The following NDUFA10 variants were observed in gnomAD, a reference collection of about 807,000 sequenced individuals.
NDUFA10 encodes the protein NADH:ubiquinone oxidoreductase subunit A10, also known as NADH dehydrogenase [ubiquinone] 1 alpha subcomplex subunit 10, mitochondrial.
NDUFA10 carries 40 observed loss-of-function variants against 47.8 expected under a neutral mutation model. That is an observed-to-expected ratio of 0.84 (90% CI 0.65 to 1.09). The LOEUF (loss-of-function observed/expected upper bound fraction) is 1.09, where lower values mean the gene tolerates loss of function less well. NDUFA10 is among the 50% of genes least tolerant of loss of function. The probability of loss-of-function intolerance (pLI) is 0.00; values close to 1 mark genes in which losing one functional copy is unlikely to be tolerated. For synonymous variants in NDUFA10, 183 were observed against 172.2 expected (o/e 1.06, Z -0.49); for missense variants, 413 against 451.1 (o/e 0.92, Z 0.76).
intron 4 of NDUFA10, among the ~76,000 whole-genome samples, chr2:239,919,927 G>A (rs553250370): frequency 9.2e-5 from 14 of 152,304 alleles, no homozygotes; most frequent in African/African-American, 2.4e-4. Flanking sequence ...CCCTGCCTAC[G>A]CCAGTCCTTC....
intron 4 of NDUFA10, among the ~76,000 whole-genome samples, chr2:239,927,746 G>C (rs561373552): frequency 6.6e-6 from 1 of 152,332 alleles, no homozygotes; most frequent in South Asian, 2.1e-4. Context: ...GAGGAGCCTG[G>C]GTGGCGACTG....
intron 4 of NDUFA10, among the ~76,000 whole-genome samples, chr2:239,914,856 CAG>C (rs1157553558): frequency 6.9e-6 from 1 of 145,826 alleles, no homozygotes; most frequent in Non-Finnish European, 1.5e-5. Flanking sequence ...CAGACACACA[CAG>C]AGAGACATAC....
Position 240,021,279 on chromosome 2 carries a change from G to T in NDUFA10, c.378C>A (p.Gly126=). The T allele has an allele frequency of 6.2e-7, 1 of 1,614,228 alleles. No homozygotes were observed. Among genetic ancestry groups the T allele is most frequent in the Non-Finnish European group, 8.5e-7 (1 of 1,180,038 alleles). The part of the protein sequence containing the change: ...KFYDDPRSND[G]NSYRLQSWLY... Reference sequence around the variant, plus strand: ...ACCAGGACTGCAGGCGGTAACTGTTGCCATCATTGCTTCTCGGATCATCGT... The same window carrying T: ...ACCAGGACTGCAGGCGGTAACTGTTTCCATCATTGCTTCTCGGATCATCGT... Residue 126 remains glycine (G), a synonymous_variant, in exon 3 of 10, where the codon GGC becomes GGA. Transcript: ENST00000252711.
intron 4 of NDUFA10, among the ~76,000 whole-genome samples, chr2:239,926,113 C>T (rs1036670741): frequency 4.6e-5 from 7 of 152,212 alleles, no homozygotes; most frequent in Non-Finnish European, 8.8e-5. Flanking sequence ...CATACACTTA[C>T]CCTACGATCC....
At chr2:239,994,685 A>G (rs944974843) in intron 8 of NDUFA10, among the ~76,000 whole-genome samples, 3 of 152,280 alleles carry the variant, frequency 2.0e-5, no homozygotes, top group Admixed American at 6.5e-5. Context: ...GGTGCCAAAA[A>G]GGTTTGGGAC....
At position 239,941,435 on chromosome 2, in the gene NDUFA10, C is replaced by T. The variant is rs1046885375; in HGVS notation, c.295-46121G>A. Among the ~76,000 whole-genome samples, 10 of 152,224 alleles carry T rather than the reference C, an allele frequency of 6.6e-5. No individual in the cohort carries two copies. The Middle Eastern group carries it at 0.01, about 155-fold the overall frequency. On this transcript the variant is annotated intron_variant, in intron 4 of 5. Coordinates refer to the NDUFA10 transcript ENST00000419408. ...AGAGGTTCCTTCCTCGACATCAAAA[C>T]GACAAAGTTCAAGGACGTGGTGGCT...
intron 9 of NDUFA10, among the ~76,000 whole-genome samples, chr2:239,963,739 G>A (rs77527517): frequency 1.5e-3 from 222 of 152,346 alleles, no homozygotes; most frequent in African/African-American, 5.1e-3. Flanking sequence ...CCACCTCCCA[G>A]TAACTGAGGG....
chr2:239,956,767 G>A (rs972487070), downstream of NDUFA10, among the ~76,000 whole-genome samples: 4 of 152,264 alleles, frequency 2.6e-5, no homozygotes, highest in East Asian at 3.9e-4. Flanking sequence ...GTGGCGTCAC[G>A]GCGGAGCCGG....
In NDUFA10 at chr2:239,960,967, A is replaced by G. The variant is rs1319216725; in HGVS notation, c.*151T>C. On this transcript the variant is annotated 3_prime_UTR_variant, in exon 10 of 10. Coordinates refer to ENST00000252711, the MANE Select transcript of NDUFA10 (RefSeq NM_004544.4). ...CCAACTCCATTACCTATACTACAGG[A>G]TGGATTGCTTTTTGTGAGACCCCTT... 2.0e-6 allele frequency: 3 copies of G among 1,536,140 alleles called. No homozygotes were observed. The highest frequency in any genetic ancestry group is 2.6e-6 in the Non-Finnish European group (3 of 1,140,956).
intron 9 of NDUFA10, among the ~76,000 whole-genome samples, chr2:239,966,558 G>A (rs1184635628): frequency 6.6e-6 from 1 of 152,172 alleles, no homozygotes; most frequent in African/African-American, 2.4e-5. Flanking sequence ...CTGGAGAAGA[G>A]ACAGTATTGG....
At chr2:239,916,152 C>T (rs1693873859) in intron 4 of NDUFA10, among the ~76,000 whole-genome samples, 1 of 151,026 alleles carries the variant, frequency 6.6e-6, no homozygotes, top group South Asian at 2.1e-4. Context: ...CAGACACACA[C>T]AGAGAGACAC....
rs1205038931 is a variant in NDUFA10 at position 240,002,397 on chromosome 2, T to C, written c.890+2813A>G. ...TTTTGTTGTTTGTTTTACTTTCTAA[T>C]GGAAGATTTGCTAGATTCCTTTCAA... On this transcript the variant is annotated intron_variant, in intron 8 of 9. Transcript: ENST00000252711. Among the ~76,000 whole-genome samples the C allele has an allele frequency of 3.3e-5, 5 of 151,272 alleles. No homozygotes were observed. The East Asian group carries it at 7.7e-4, about 23-fold the overall frequency.
At chr2:239,938,396 C>T (rs1694303505) in intron 4 of NDUFA10, among the ~76,000 whole-genome samples, 1 of 152,216 alleles carries the variant, frequency 6.6e-6, no homozygotes, top group Non-Finnish European at 1.5e-5. Flanking sequence ...GCCTGGGCAG[C>T]CACCGACACA....
At chr2:239,902,867 G>C (rs974970556) in intron 4 of NDUFA10, among the ~76,000 whole-genome samples, 4 of 152,060 alleles carry the variant, frequency 2.6e-5, no homozygotes, top group African/African-American at 9.7e-5. Context: ...TCCTGCGGAA[G>C]GGGGCTGGGC....
Position 240,021,387 on chromosome 2 carries a change from C to A in NDUFA10, c.270G>T (p.Gly90=), listed in dbSNP as rs770747594. The part of the protein sequence containing the change: ...KLGFKHFPEA[G]IHYPDSTTGD... Reference sequence around the variant, plus strand: ...CTGTGGTACTGTCTGGATAATGAATCCCCGCTTCAGGAAAGTGCTTGAAGC... The same window carrying A: ...CTGTGGTACTGTCTGGATAATGAATACCCGCTTCAGGAAAGTGCTTGAAGC... Residue 90 remains glycine (G), a synonymous_variant, in exon 3 of 10, where the codon GGG becomes GGT. Transcript: ENST00000252711. 3 of 1,614,070 alleles carry A rather than the reference C, an allele frequency of 1.9e-6. No individual in the cohort carries two copies. The highest frequency in any genetic ancestry group is 3.3e-5 in the Admixed American group (2 of 60,010).
chr2:239,932,882 C>G (rs1694201065), intron 4 of NDUFA10, among the ~76,000 whole-genome samples: 1 of 152,220 alleles, frequency 6.6e-6, no homozygotes, highest in East Asian at 1.9e-4. Flanking sequence ...CGCCTGGCCT[C>G]TGATCAAAGT....
chr2:239,908,967 T>G (rs1693701963), intron 4 of NDUFA10, among the ~76,000 whole-genome samples: 1 of 152,198 alleles, frequency 6.6e-6, no homozygotes, highest in South Asian at 2.1e-4. Context: ...TCTGGGCAGC[T>G]AACTCGAAGG....
At chr2:239,961,530 G>C (rs7590071) in intron 9 of NDUFA10, among the ~76,000 whole-genome samples, 46,054 of 152,108 alleles carry the variant, frequency 0.3, 7,481 homozygotes, top group East Asian at 0.42. Context: ...AGCAGGGACA[G>C]CCACGCAGAC....
intron 4 of NDUFA10, among the ~76,000 whole-genome samples, chr2:239,916,481 C>T (rs1488289569): frequency 6.6e-6 from 1 of 152,198 alleles, no homozygotes; most frequent in African/African-American, 2.4e-5. Context: ...ACACTGAATC[C>T]TGTAGGAAGA....
Sources: gnomAD v4.1 joint callset for allele counts (sites outside exome capture counted in the v4.1 genomes callset) on GRCh38, gnomAD v4.1.1 for gene constraint, MANE v1.5 for transcripts, NCBI Gene and HGNC (gene_info 2026-07-23, HGNC 2026-07-21) for gene names.